POLR1A: variants seen among roughly 807,000 people sequenced by gnomAD.
POLR1A encodes RNA polymerase I subunit A.
A neutral mutation model predicts 205.3 loss-of-function variants in POLR1A; 84 were observed. The observed-to-expected ratio is 0.41, with a 90% CI of 0.34 to 0.49. POLR1A has a LOEUF of 0.49. POLR1A is among the 20% of genes least tolerant of loss of function. The pLI is 0.22. For missense variants in POLR1A, 1,645 were observed against 2,204.5 expected (o/e 0.75, Z 5.08); for synonymous variants, 799 against 863.7 (o/e 0.93, Z 1.31).
chr2:86,095,521 T>C (rs1673687498), intron 3 of POLR1A, among the ~76,000 whole-genome samples: 1 of 152,120 alleles, frequency 6.6e-6, no homozygotes, highest in Admixed American at 6.5e-5. Context: ...ACAAACAAAA[T>C]GAAATTTTAA....
chr2:86,075,312 T>A (rs935253002), intron 11 of POLR1A, 52 bp from the exon 12 acceptor site: 20 of 1,271,424 alleles, frequency 1.6e-5, no homozygotes, highest in Non-Finnish European at 2.2e-5. Context: ...AAAAAAGGTC[T>A]GATGGACCCC....
At position 86,021,748 on chromosome 2, in the gene POLR1A, T is replaced by A. The variant is rs1002557722; in HGVS notation, c.*5675A>T. 1.3e-5 allele frequency: 2 copies of A among 152,208 alleles called. No individual in the cohort carries two copies. The highest frequency in any genetic ancestry group is 4.8e-5 in the African/African-American group (2 of 41,400). The allele number at this position is 152,208 out of a possible 1,614,324, so 9.4% of individuals were successfully genotyped here. On this transcript the variant is annotated 3_prime_UTR_variant, in exon 34 of 34. Transcript: ENST00000263857. ...GGACACAGTGGAGATCAAGGTTGGA[T>A]GGATGCAGCATGGGGGAGGGAATGG...
At position 86,075,019 on chromosome 2, in the gene POLR1A, C is replaced by G. The variant is rs773523043; in HGVS notation, c.1611+11G>C. On this transcript the variant is annotated intron_variant, in intron 12 of 33. Coordinates refer to ENST00000263857, the MANE Select transcript of POLR1A (RefSeq NM_015425.6). Reference sequence around the variant, plus strand: ...CCGGATGGGTCCCTGACCAAAGCTGCCCTTACTCACAATTTTTGTCCCCTG... The same window carrying G: ...CCGGATGGGTCCCTGACCAAAGCTGGCCTTACTCACAATTTTTGTCCCCTG... The G allele has an allele frequency of 3.8e-6, 6 of 1,584,298 alleles. No individual in the cohort carries two copies. The highest frequency in any genetic ancestry group is 5.2e-6 in the Non-Finnish European group (6 of 1,160,422).
intron 15 of POLR1A, among the ~76,000 whole-genome samples, chr2:86,053,936 A>T (rs1260395050): frequency 1.3e-5 from 2 of 152,174 alleles, no homozygotes; most frequent in Admixed American, 1.3e-4. Flanking sequence ...ACTGCTTGTG[A>T]GTTTTATACT....
intron 11 of POLR1A, among the ~76,000 whole-genome samples, chr2:86,077,652 A>G (rs917699408): frequency 1.3e-5 from 2 of 152,164 alleles, no homozygotes; most frequent in African/African-American, 4.8e-5. Context: ...CAGCAATGCC[A>G]TCATGCAGCT....
At position 86,040,527 on chromosome 2, in the gene POLR1A, C is replaced by T. The variant is rs370267724; in HGVS notation, c.3605G>A (p.Arg1202His). ...AGCCTCGCCCGGCTCACACAGTGAG[C>T]GCTGCCACTTCAGCTGCAGCAAGGT... ...LRTLLQLKWQ[R>H]SLCEPGEAVG... Residue 1202 changes from arginine to histidine, a missense_variant, in exon 25 of 34, where the codon CGC (arginine) becomes CAC (histidine). By Grantham distance (29) the Arg-to-His change is conservative. Transcript: ENST00000263857. The T allele has an allele frequency of 5.1e-5, 82 of 1,597,498 alleles. No homozygotes were observed. Among genetic ancestry groups the T allele is most frequent in the Non-Finnish European group, 5.9e-5 (69 of 1,171,822 alleles).
chr2:86,042,887 T>C, intron 23 of POLR1A, 87 bp downstream of exon 23: 1 of 930,400 alleles, frequency 1.1e-6, no homozygotes, highest in Non-Finnish European at 1.8e-6. Flanking sequence ...TGATTCTACC[T>C]TCTCTTAGGA....
At chr2:86,034,961 C>T (rs576319276) in intron 27 of POLR1A, among the ~76,000 whole-genome samples, 1 of 152,160 alleles carries the variant, frequency 6.6e-6, no homozygotes, top group East Asian at 1.9e-4. Flanking sequence ...ACCTCCGCCT[C>T]CCGGATTCAA....
intron 8 of POLR1A, 136 bp from the exon 9 acceptor site, chr2:86,081,114 G>T: frequency 1.3e-6 from 1 of 773,716 alleles, no homozygotes; most frequent in South Asian, 1.8e-5. Context: ...CCAACATTCC[G>T]GCTGGGTGTG....
rs1672310926 is a variant in POLR1A at position 86,028,484 on chromosome 2, T to G, written c.4897+110A>C. Reference sequence around the variant, plus strand: ...ACGCATGCTGCAGTGCCTGCCTTAGTGCTGGACTGACTCGGTGCTGGACCG... The same window carrying G: ...ACGCATGCTGCAGTGCCTGCCTTAGGGCTGGACTGACTCGGTGCTGGACCG... On this transcript the variant is annotated intron_variant, in intron 32 of 33. Coordinates refer to ENST00000263857, the MANE Select transcript of POLR1A (RefSeq NM_015425.6). The surrounding 1 kb of genome is among the most constrained non-coding windows in gnomAD (Gnocchi z 4.5). The G allele has an allele frequency of 3.9e-6, 3 of 775,330 alleles. No homozygotes were observed. The highest frequency in any genetic ancestry group is 4.9e-5 in the East Asian group (2 of 40,670). 48.0% of individuals were successfully genotyped at this position (775,330 alleles called of 1,614,324 possible).
Position 86,031,435 on chromosome 2 carries a change from C to A in POLR1A, c.4473G>T (p.Glu1491Asp), listed in dbSNP as rs776089249. ...TQPRKPTHSQ[E>D]PQGPEAMERR... ...GCTCCATGGCCTCGGGCCCCTGGGG[C>A]TCCTGGCTGTGGGTGGGTTTCCGGG... is the stretch of plus-strand genomic sequence containing the variant. Residue 1491 changes from glutamate to aspartate, a missense_variant, in exon 30 of 34, where the codon GAG becomes GAT. Physicochemically the swap from Glu to Asp is conservative, Grantham distance 45. Coordinates refer to ENST00000263857, the MANE Select transcript of POLR1A (RefSeq NM_015425.6). 6.2e-7 allele frequency: 1 copy of A among 1,614,080 alleles called. No individual in the cohort carries two copies. The highest frequency in any genetic ancestry group is 1.1e-5 in the South Asian group (1 of 91,072).
chr2:86,098,992 C>T (rs141826874), intron 2 of POLR1A, among the ~76,000 whole-genome samples: 4 of 152,102 alleles, frequency 2.6e-5, no homozygotes, highest in African/African-American at 7.2e-5. Context: ...TTACTTTGGG[C>T]GTACAACCTG....
chr2:86,054,230 A>G lies in POLR1A; in HGVS notation c.2118T>C (p.Ser706=). 1 of 1,613,986 alleles carries G rather than the reference A, an allele frequency of 6.2e-7. No homozygotes were observed. The highest frequency in any genetic ancestry group is 2.2e-5 in the East Asian group (1 of 44,892). Residue 706 remains serine, a synonymous_variant, in exon 15 of 34, where the codon TCT becomes TCC. Transcript: ENST00000263857. ...IPEDHIPLNL[S]GKAKITGKAW... ...CTTTCCCAGTGATTTTCGCCTTTCC[A>G]GATAAGTTCAGTGGGATGTGGTCCT...
chr2:86,031,352 G>T lies in POLR1A; in HGVS notation c.4556C>A (p.Thr1519Asn), dbSNP rs1170109747. The T allele has an allele frequency of 5.1e-6, 8 of 1,574,506 alleles. No individual in the cohort carries two copies. The highest frequency in any genetic ancestry group is 6.9e-6 in the Non-Finnish European group (8 of 1,157,154). ...GACCTGGCACCACAGGCTCTCCTCG[G>T]TGTCGTACTGGTAGTCATCTATGAA... ...HPFIDDYQYD[T>N]EESLWCQVTV... Residue 1519 changes from threonine (T) to asparagine (N), a missense_variant, in exon 30 of 34, where the codon ACC becomes AAC. By Grantham distance (65) the Thr-to-Asn change is moderately conservative (BLOSUM62 0). Transcript: ENST00000263857.
At position 86,054,159 on chromosome 2, in the gene POLR1A, T is replaced by C; in HGVS notation, c.2189A>G (p.Asp730Gly). ...TPRSVPGFNP[D>G]SMCESQVIIR... ...CCATACCTGGGACTCGCACATCGAG[T>C]CAGGGTTAAAGCCAGGAACGGATCG... Residue 730 changes from aspartate (D) to glycine (G), a missense_variant, in exon 15 of 34, where the codon GAC becomes GGC. This residue lies in a region of POLR1A where 339 missense variants were observed against 415.1 expected (regional missense o/e 0.82). Coordinates refer to ENST00000263857, the MANE Select transcript of POLR1A (RefSeq NM_015425.6). The C allele has an allele frequency of 6.2e-7, 1 of 1,613,952 alleles. No individual in the cohort carries two copies. The highest frequency in any genetic ancestry group is 8.5e-7 in the Non-Finnish European group (1 of 1,179,868).
chr2:86,066,363 C>T (rs1290696143), intron 13 of POLR1A, among the ~76,000 whole-genome samples: 1 of 152,162 alleles, frequency 6.6e-6, no homozygotes, highest in Non-Finnish European at 1.5e-5. Flanking sequence ...TATGAAAAGC[C>T]TGAGATTTGG....
chr2:86,046,468 G>GGT (rs1221199690), intron 19 of POLR1A, among the ~76,000 whole-genome samples: 2 of 152,056 alleles, frequency 1.3e-5, no homozygotes, highest in Non-Finnish European at 2.9e-5. Context: ...CAGACAATGG[G>GGT]GTGGGCCTTT....
chr2:86,080,496 G>A (rs894288312), intron 9 of POLR1A, among the ~76,000 whole-genome samples: 5 of 152,200 alleles, frequency 3.3e-5, no homozygotes, highest in African/African-American at 1.2e-4. Flanking sequence ...GCCCGGAACA[G>A]CCTAGGTGTG....
chr2:86,069,931 A>C, intron 13 of POLR1A, 87 bp downstream of exon 13: 1 of 1,445,046 alleles, frequency 6.9e-7, no homozygotes, highest in East Asian at 2.4e-5. Context: ...GGAGCTGCCC[A>C]ATGACCCCAG....
Sources: gnomAD v4.1 joint callset for allele counts (sites outside exome capture counted in the v4.1 genomes callset) on GRCh38, gnomAD v4.1.1 for gene constraint, gnomAD v4.1.1 regional missense constraint, Gnocchi (gnomAD v3.1) non-coding constraint, MANE v1.5 for transcripts, NCBI Gene and HGNC (gene_info 2026-07-23, HGNC 2026-07-21) for gene names.